FAM227B: variants seen among roughly 807,000 people sequenced by gnomAD.
FAM227B encodes the protein protein FAM227B.
In FAM227B, 88 loss-of-function variants were observed where a neutral mutation model predicts 73.8. That is an observed-to-expected ratio of 1.19 (90% confidence interval 1.00 to 1.42). The LOEUF (loss-of-function observed/expected upper bound fraction) is 1.42, where lower values mean the gene tolerates loss of function less well. Among genes scored for constraint, FAM227B ranks in the 40% most tolerant of loss-of-function variants. The pLI is 0.00. For missense variants in FAM227B, 632 were observed against 590.9 expected (o/e 1.07, Z -0.72); for synonymous variants, 210 against 190.5 (o/e 1.10, Z -0.84).
chr15:49,467,626 C>T (rs1395438112), intron 11 of FAM227B, among the ~76,000 whole-genome samples: 1 of 152,002 alleles, frequency 6.6e-6, no homozygotes, highest in East Asian at 1.9e-4. Flanking sequence ...ATATCCACAC[C>T]TATTCTGATA....
intron 11 of FAM227B, among the ~76,000 whole-genome samples, chr15:49,443,084 G>A (rs1435840311): frequency 1.3e-5 from 2 of 151,690 alleles, no homozygotes; most frequent in Non-Finnish European, 3.0e-5. Context: ...TTAGTTATAA[G>A]TAGGGTGACC....
chr15:49,395,982 G>C (rs1269278067), intron 11 of FAM227B: 7 of 455,780 alleles, frequency 1.5e-5, no homozygotes, highest in Non-Finnish European at 3.1e-5. Flanking sequence ...TACCAAAACT[G>C]GGGGCGAGGA....
At chr15:49,487,604 C>T (rs2056509513) in intron 11 of FAM227B, 1 of 151,802 alleles carries the variant, frequency 6.6e-6, no homozygotes, top group Non-Finnish European at 1.5e-5. Context: ...GGGGACCTAG[C>T]TGTAGTAAAA....
chr15:49,484,726 C>T (rs1737163147), intron 11 of FAM227B: 1 of 366,792 alleles, frequency 2.7e-6, no homozygotes, highest in Non-Finnish European at 4.8e-6. Flanking sequence ...GATTTAGTAA[C>T]TAAAGGTTGT....
Position 49,438,299 on chromosome 15 carries a change from T to G in FAM227B, c.1013-66900A>C, listed in dbSNP as rs138605178. On this transcript the variant is annotated intron_variant, in intron 11 of 15. Coordinates refer to ENST00000299338, the MANE Select transcript of FAM227B (RefSeq NM_152647.3). ...GACCTGGATAGTTAATATCAATTAA[T>G]AACTCAAATATTACTTTGTTAAAAA... 9.9e-4 allele frequency among the ~76,000 whole-genome samples: 151 copies of G among 151,916 alleles called. 1 individual carries two copies. In the East Asian group the frequency reaches 0.028, roughly 28 times the overall value.
intron 13 of FAM227B, 74 bp from the exon 14 acceptor site, chr15:49,335,570 A>C (rs2039560792): frequency 9.6e-7 from 1 of 1,045,678 alleles, no homozygotes; most frequent in African/African-American, 1.6e-5. Context: ...TTCACAGAGG[A>C]ACCAAGGGGA....
At chr15:49,344,814 A>G (rs2041236222) in intron 13 of FAM227B, among the ~76,000 whole-genome samples, 1 of 152,188 alleles carries the variant, frequency 6.6e-6, no homozygotes, top group Non-Finnish European at 1.5e-5. Flanking sequence ...AATGACTGAA[A>G]CTTGAAGATA....
chr15:49,447,560 G>T (rs1239930667), intron 11 of FAM227B, among the ~76,000 whole-genome samples: 2 of 151,662 alleles, frequency 1.3e-5, no homozygotes, highest in Non-Finnish European at 3.0e-5. Flanking sequence ...TGTATTGTTT[G>T]TCAGGTTTAA....
intron 11 of FAM227B, among the ~76,000 whole-genome samples, chr15:49,446,494 G>C (rs1044035264): frequency 1.3e-5 from 2 of 151,524 alleles, no homozygotes; most frequent in African/African-American, 4.8e-5. Context: ...ATATTTCTGG[G>C]TGCACCTAAG....
rs774686224 is a variant in FAM227B at position 49,484,300 on chromosome 15, G to A, written c.1012+23911C>T. 1.5e-5 allele frequency: 24 copies of A among 1,577,470 alleles called. No individual in the cohort carries two copies. In the Admixed American group the frequency reaches 3.9e-4, roughly 26 times the overall value. The stretch of plus-strand genomic sequence containing the variant: ...TTGGATAATGTCTGTTTGTTTGTTT[G>A]TTTTAACAGAAAGAATGCAATGAAG... On this transcript the variant is annotated intron_variant, in intron 11 of 15. Coordinates refer to ENST00000299338, the MANE Select transcript of FAM227B (RefSeq NM_152647.3).
At chr15:49,591,361 C>T (rs1311506541) in intron 3 of FAM227B, among the ~76,000 whole-genome samples, 2 of 116,432 alleles carry the variant, frequency 1.7e-5, no homozygotes, top group Non-Finnish European at 3.5e-5. Context: ...TGAGCCACCA[C>T]ACCCTCCCTC....
chr15:49,401,151 C>A (rs1233344411), intron 11 of FAM227B, among the ~76,000 whole-genome samples: 2 of 152,192 alleles, frequency 1.3e-5, no homozygotes, highest in Non-Finnish European at 2.9e-5. Context: ...AACAAATTTA[C>A]AAGAAAAGAA....
At chr15:49,424,827 G>C (rs1168134524) in intron 11 of FAM227B, 6 of 295,280 alleles carry the variant, frequency 2.0e-5, no homozygotes, top group Non-Finnish European at 3.7e-5. Context: ...TATACTCCTT[G>C]TCCTGAAAAT....
intron 13 of FAM227B, among the ~76,000 whole-genome samples, chr15:49,362,613 G>T (rs994927989): frequency 6.6e-6 from 1 of 152,144 alleles, no homozygotes; most frequent in Admixed American, 6.5e-5. Context: ...TGCGCAGAAG[G>T]TCTTTAGTTT....
rs2151114572 is a variant in FAM227B, at chr15:49,328,117, T to C, written c.*451A>G. 4 of 1,614,076 alleles carry C rather than the reference T, an allele frequency of 2.5e-6. No homozygotes were observed. Among genetic ancestry groups the C allele is most frequent in the African/African-American group, 1.3e-5 (1 of 75,028 alleles). ...CACCGGAGAAGCAAAGTTTGTTTGC[T>C]ACCAAACCTGGAGGTGGGGCTTTGG... On this transcript the variant is annotated 3_prime_UTR_variant, in exon 16 of 16. Coordinates refer to ENST00000299338, the MANE Select transcript of FAM227B (RefSeq NM_152647.3).
At chr15:49,436,731 G>A (rs12592296) in intron 11 of FAM227B, among the ~76,000 whole-genome samples, 3,507 of 151,620 alleles carry the variant, frequency 0.023, 86 homozygotes, top group South Asian at 0.13. Flanking sequence ...AAGTTGGGAT[G>A]TGAATGCAAG....
At chr15:49,369,985 G>A (rs1311608174) in intron 12 of FAM227B, among the ~76,000 whole-genome samples, 1 of 152,200 alleles carries the variant, frequency 6.6e-6, no homozygotes, top group Non-Finnish European at 1.5e-5. Flanking sequence ...TTTATAAGAA[G>A]AAGAAGAGAC....
At chr15:49,427,577 C>T (rs2050234901) in intron 11 of FAM227B, among the ~76,000 whole-genome samples, 1 of 151,968 alleles carries the variant, frequency 6.6e-6, no homozygotes, top group Admixed American at 6.6e-5. Flanking sequence ...AATATGCCAG[C>T]TATGCAAAAT....
intron 10 of FAM227B, among the ~76,000 whole-genome samples, chr15:49,535,324 T>C (rs963462732): frequency 6.6e-6 from 1 of 151,548 alleles, no homozygotes; most frequent in African/African-American, 2.4e-5. Context: ...AAAACCTAAA[T>C]GGAATGGACA....
Sources: allele counts gnomAD v4.1 joint callset (sites outside exome capture counted in the v4.1 genomes callset), GRCh38; gene constraint gnomAD v4.1.1; transcripts MANE v1.5; gene names NCBI Gene and HGNC (gene_info 2026-07-23, HGNC 2026-07-21).